The following ELAPOR2 variants were observed in gnomAD, a reference collection of about 807,000 sequenced individuals.
The protein encoded by ELAPOR2 is endosome-lysosome associated apoptosis and autophagy regulator family member 2.
ELAPOR2 carries 89 observed loss-of-function variants against 120.7 expected under a neutral mutation model. That is an observed-to-expected ratio of 0.74 (90% CI 0.62 to 0.88). The LOEUF (loss-of-function observed/expected upper bound fraction) is 0.88, where lower values mean the gene tolerates loss of function less well. Ranked by LOEUF, ELAPOR2 falls within the 40% of genes least tolerant of loss-of-function variation. The probability of loss-of-function intolerance (pLI) is 0.00; values close to 1 mark genes in which losing one functional copy is unlikely to be tolerated. For missense variants in ELAPOR2, 1,134 were observed against 1,251.6 expected (o/e 0.91, Z 1.42); for synonymous variants, 444 against 444.9 (o/e 1.00, Z 0.03).
At chr7:87,005,953 A>G (rs145693160) in intron 1 of ELAPOR2, among the ~76,000 whole-genome samples, 2 of 152,330 alleles carry the variant, frequency 1.3e-5, no homozygotes, top group African/African-American at 4.8e-5. Flanking sequence ...CCTGCTCACC[A>G]AAACATGACA....
chr7:86,982,279 C>A (rs1239645550), intron 1 of ELAPOR2, among the ~76,000 whole-genome samples: 1 of 152,230 alleles, frequency 6.6e-6, no homozygotes, highest in Non-Finnish European at 1.5e-5. Context: ...ACTTAAATGG[C>A]CCTGTCTGAC....
intron 21 of ELAPOR2, among the ~76,000 whole-genome samples, chr7:86,883,093 T>C (rs750502894): frequency 2.6e-5 from 4 of 151,656 alleles, no homozygotes; most frequent in Non-Finnish European, 5.9e-5. Context: ...AATATTCTAG[T>C]TGGTGTCTGA....
intron 18 of ELAPOR2, among the ~76,000 whole-genome samples, chr7:86,899,708 A>C (rs565716108): frequency 2.0e-5 from 3 of 152,150 alleles, no homozygotes; most frequent in Non-Finnish European, 4.4e-5. Context: ...TAGACTAAGC[A>C]GAGGTGGTGG....
intron 1 of ELAPOR2, among the ~76,000 whole-genome samples, chr7:87,016,217 G>A (rs1793862393): frequency 6.6e-6 from 1 of 152,086 alleles, no homozygotes; most frequent in Admixed American, 6.6e-5. Flanking sequence ...GGATATTTTA[G>A]ACTCAAAATG....
intron 18 of ELAPOR2, among the ~76,000 whole-genome samples, chr7:86,898,863 C>T (rs1788574801): frequency 6.6e-6 from 1 of 152,072 alleles, no homozygotes; most frequent in Non-Finnish European, 1.5e-5. Flanking sequence ...AGGCGAGGTA[C>T]TTTAGGGAAT....
chr7:86,893,690 C>T (rs1584314374), intron 19 of ELAPOR2, among the ~76,000 whole-genome samples: 1 of 151,972 alleles, frequency 6.6e-6, no homozygotes, highest in Non-Finnish European at 1.5e-5. Context: ...ATAAGGAGGG[C>T]ATTATTCTGG....
Position 87,043,830 on chromosome 7 carries a change from G to C in ELAPOR2, c.189+15495C>G, listed in dbSNP as rs970622926. On this transcript the variant is annotated intron_variant, in intron 1 of 21. Transcript: ENST00000450689. ...AGAGGAAGTCAAATTGTCCCTGTTTGCAGACGACATGACTGTATATCTAGA... is the reference window on the plus strand; with the variant it reads ...AGAGGAAGTCAAATTGTCCCTGTTTCCAGACGACATGACTGTATATCTAGA... Among the ~76,000 whole-genome samples, 10 of 151,288 alleles carry C rather than the reference G, an allele frequency of 6.6e-5. No homozygotes were observed. In the East Asian group the frequency reaches 1.5e-3, roughly 23 times the overall value.
intron 1 of ELAPOR2, among the ~76,000 whole-genome samples, chr7:86,984,328 A>T (rs569593569): frequency 6.6e-6 from 1 of 152,348 alleles, no homozygotes; most frequent in Admixed American, 6.5e-5. Flanking sequence ...GCTCTGCACC[A>T]AGCTGACCTA....
chr7:87,044,494 CA>C lies in ELAPOR2; in HGVS notation c.189+14830del, dbSNP rs1250295687. 1.5e-4 allele frequency among the ~76,000 whole-genome samples: 20 copies of C among 129,814 alleles called. 1 individual carries two copies. The highest frequency in any genetic ancestry group is 5.6e-4 in the Admixed American group (7 of 12,610). 85.2% of individuals were successfully genotyped at this position (129,814 alleles called of 152,430 possible). ...TGATCTTTGACAAACCTGAGAAAAACAAGCAATGGGGAAAGGATTCCCTATT... is the reference window on the plus strand; with the variant it reads ...TGATCTTTGACAAACCTGAGAAAAACAGCAATGGGGAAAGGATTCCCTATT... On this transcript the variant is annotated intron_variant, in intron 1 of 21. Coordinates refer to ENST00000450689, the MANE Select transcript of ELAPOR2 (RefSeq NM_001142749.3).
chr7:86,881,274 G>A (rs1799386349), intron 21 of ELAPOR2, among the ~76,000 whole-genome samples: 1 of 151,966 alleles, frequency 6.6e-6, no homozygotes, highest in African/African-American at 2.4e-5. Flanking sequence ...TCAGCTCACT[G>A]TCACCTCTGC....
chr7:87,002,210 G>A (rs1767722), intron 1 of ELAPOR2, among the ~76,000 whole-genome samples: 57,956 of 151,976 alleles, frequency 0.38, 11,964 homozygotes, highest in African/African-American at 0.54. Flanking sequence ...TTAAAGTCAC[G>A]GTACCCCTCT....
At chr7:87,044,420 T>A (rs1390354895) in intron 1 of ELAPOR2, among the ~76,000 whole-genome samples, 21 of 104,538 alleles carry the variant, frequency 2.0e-4, no homozygotes, top group Non-Finnish European at 3.2e-4. Flanking sequence ...TATAGATCAA[T>A]GGAACAGAAC....
intron 1 of ELAPOR2, among the ~76,000 whole-genome samples, chr7:87,023,647 A>G (rs1051843241): frequency 6.6e-6 from 1 of 152,140 alleles, no homozygotes; most frequent in South Asian, 2.1e-4. Flanking sequence ...TCTATAAATT[A>G]CCTTGGGCAG....
At chr7:86,891,599 G>T in intron 21 of ELAPOR2, 125 bp downstream of exon 21, 1 of 704,434 alleles carries the variant, frequency 1.4e-6, no homozygotes, top group Non-Finnish European at 2.3e-6. Context: ...GAGTATTTCT[G>T]TTGGATAAAT....
intron 1 of ELAPOR2, among the ~76,000 whole-genome samples, chr7:87,040,801 A>G (rs1283377377): frequency 8.5e-5 from 13 of 152,276 alleles, no homozygotes; most frequent in East Asian, 5.8e-4. Context: ...GGCTTCAGAC[A>G]ATCAAATTAC....
chr7:86,946,772 A>T (rs1791026260), intron 3 of ELAPOR2, among the ~76,000 whole-genome samples: 1 of 152,178 alleles, frequency 6.6e-6, no homozygotes, highest in African/African-American at 2.4e-5. Flanking sequence ...TTTATGCATA[A>T]ACTATTCCAG....
chr7:87,004,837 G>C (rs531314201), intron 1 of ELAPOR2, among the ~76,000 whole-genome samples: 1 of 152,224 alleles, frequency 6.6e-6, no homozygotes, highest in East Asian at 1.9e-4. Flanking sequence ...ACAACTTTAA[G>C]TATCTTTCTC....
chr7:86,880,487 C>T lies in ELAPOR2; in HGVS notation c.3074G>A (p.Arg1025Lys), dbSNP rs1470752785. 18 of 1,609,990 alleles carry T rather than the reference C, an allele frequency of 1.1e-5. No individual in the cohort carries two copies. The highest frequency in any genetic ancestry group is 1.5e-5 in the Non-Finnish European group (18 of 1,176,668). Residue 1025 changes from arginine (R) to lysine (K), a missense_variant, in exon 22 of 22, where the codon AGA (arginine) becomes AAA (lysine). This residue lies in a region of ELAPOR2 where 831 missense variants were observed against 867.6 expected (regional missense o/e 0.96). Transcript: ENST00000450689. ...ACTGTCTCTTCATATATTTGGGGAT[C>T]TTGAGGTTTTCAGTTGAACAGATTC... ...HFESVQLKTS[R>K]SPNI
intron 1 of ELAPOR2, among the ~76,000 whole-genome samples, chr7:87,039,698 T>C (rs1413047825): frequency 6.6e-6 from 1 of 152,110 alleles, no homozygotes; most frequent in Non-Finnish European, 1.5e-5. Context: ...ATTTAATAAA[T>C]TTCAACATCC....
Sources: gnomAD v4.1 joint callset for allele counts (sites outside exome capture counted in the v4.1 genomes callset) on GRCh38, gnomAD v4.1.1 for gene constraint, gnomAD v4.1.1 regional missense constraint, MANE v1.5 for transcripts, NCBI Gene and HGNC (gene_info 2026-07-23, HGNC 2026-07-21) for gene names.